Variants in DERA observed in about 807,000 individuals in gnomAD.
The protein encoded by DERA is deoxyribose-phosphate aldolase.
DERA carries 15 observed loss-of-function variants against 41.1 expected under a neutral mutation model. The observed-to-expected ratio is 0.37, with a 90% CI of 0.24 to 0.56. The LOEUF is 0.56. Among genes scored for constraint, DERA ranks in the 20% least tolerant of loss-of-function variants. The probability of loss-of-function intolerance (pLI) is 0.81; values close to 1 mark genes in which losing one functional copy is unlikely to be tolerated. For synonymous variants in DERA, 139 were observed against 137.4 expected (o/e 1.01, Z -0.08); for missense variants, 396 against 403.4 (o/e 0.98, Z 0.16).
At position 16,019,643 on chromosome 12, in the gene DERA, G is replaced by A. The variant is rs532647640; in HGVS notation, c.638-12899G>A. Reference sequence around the variant, plus strand: ...TTTTGGTGTTTCTTTTTATGGTGGTGTTCTTCCATGTGTGCCCTCTCATCT... The same window carrying A: ...TTTTGGTGTTTCTTTTTATGGTGGTATTCTTCCATGTGTGCCCTCTCATCT... On this transcript the variant is annotated intron_variant, in intron 6 of 8. Coordinates refer to ENST00000428559, the MANE Select transcript of DERA (RefSeq NM_015954.4). This position sits in a 1 kb window ranked among gnomAD's most constrained non-coding sequence, Gnocchi z 4.4. Among the ~76,000 whole-genome samples the A allele has an allele frequency of 2.6e-5, 4 of 152,216 alleles. No individual in the cohort carries two copies. In the East Asian group the frequency reaches 5.8e-4, roughly 22 times the overall value.
rs1441663810 is a variant in DERA at position 15,982,867 on chromosome 12, G to C, written c.637+431G>C. Among the ~76,000 whole-genome samples the C allele has an allele frequency of 6.6e-6, 1 of 152,152 alleles. No homozygotes were observed. Among genetic ancestry groups the C allele is most frequent in the Admixed American group, 6.5e-5 (1 of 15,276 alleles). On this transcript the variant is annotated intron_variant, in intron 6 of 8. Coordinates refer to ENST00000428559, the MANE Select transcript of DERA (RefSeq NM_015954.4). This position sits in a 1 kb window ranked among gnomAD's most constrained non-coding sequence, Gnocchi z 4.0. ...GTTTGTGTTAATGTTTTAAAATTTA[G>C]TGCAGTATCATTGATTTTTATACTT...
intron 1 of DERA, among the ~76,000 whole-genome samples, chr12:15,926,166 C>T (rs570561719): frequency 9.9e-4 from 151 of 152,048 alleles, no homozygotes; most frequent in South Asian, 3.1e-3. Flanking sequence ...ATCAAGTGGC[C>T]AGTACTGCTC....
At position 15,941,737 on chromosome 12, in the gene DERA, G is replaced by A. The variant is rs1387304562; in HGVS notation, c.32-15199G>A. 1.3e-5 allele frequency among the ~76,000 whole-genome samples: 2 copies of A among 152,180 alleles called. No homozygotes were observed. Among genetic ancestry groups the A allele is most frequent in the African/African-American group, 2.4e-5 (1 of 41,430 alleles). On this transcript the variant is annotated intron_variant, in intron 1 of 8. Transcript: ENST00000428559. This position sits in a 1 kb window ranked among gnomAD's most constrained non-coding sequence, Gnocchi z 4.5. ...CTTTTATGGCTCAGTACTCCATGAT[G>A]TATATATACCACATTTTCTTTATCC...
At chr12:16,030,340 A>G (rs1282709003) in intron 6 of DERA, among the ~76,000 whole-genome samples, 3 of 152,154 alleles carry the variant, frequency 2.0e-5, no homozygotes, top group Non-Finnish European at 2.9e-5. Context: ...AAGATGCCAC[A>G]TATTAGAAAA....
chr12:16,022,010 G>A (rs1168121917), intron 6 of DERA, among the ~76,000 whole-genome samples: 1 of 152,178 alleles, frequency 6.6e-6, no homozygotes, highest in East Asian at 1.9e-4. Context: ...ACTGTGTTTT[G>A]CAATGTGAAA....
intron 7 of DERA, among the ~76,000 whole-genome samples, chr12:16,034,342 A>G (rs1004622465): frequency 6.6e-6 from 1 of 152,344 alleles, no homozygotes; most frequent in East Asian, 1.9e-4. Context: ...AAGAATGTCA[A>G]TGAAATTTTT....
chr12:15,926,188 G>T (rs11056722), intron 1 of DERA, among the ~76,000 whole-genome samples: 12,729 of 151,806 alleles, frequency 0.084, 1,743 homozygotes, highest in African/African-American at 0.29. Flanking sequence ...TCTTTTCTGA[G>T]GCACTGTTTT....
chr12:15,913,939 T>A lies in DERA; in HGVS notation c.31+2525T>A, dbSNP rs114196368. Among the ~76,000 whole-genome samples, 1,258 of 152,324 alleles carry A rather than the reference T, an allele frequency of 8.3e-3. 17 individuals carry two copies. The highest frequency in any genetic ancestry group is 0.028 in the African/African-American group (1,165 of 41,558). ...CTAGACTATTATGCCCTATATAGTC[T>A]ATTAAAATGTACAGATATTCTTCTA... On this transcript the variant is annotated intron_variant, in intron 1 of 8. Transcript: ENST00000428559. The surrounding 1 kb of genome is among the most constrained non-coding windows in gnomAD (Gnocchi z 4.5).
At position 16,020,161 on chromosome 12, in the gene DERA, TA is replaced by T. The variant is rs1203575230; in HGVS notation, c.638-12378del. On this transcript the variant is annotated intron_variant, in intron 6 of 8. Coordinates refer to ENST00000428559, the MANE Select transcript of DERA (RefSeq NM_015954.4). The surrounding 1 kb of genome is among the most constrained non-coding windows in gnomAD (Gnocchi z 5.5). The stretch of plus-strand genomic sequence containing the variant: ...GAGCCAATTAAACCTCTTTTCTTTA[TA>T]AATTACCCAATGTATTAGTCCACAG... Among the ~76,000 whole-genome samples the T allele has an allele frequency of 6.6e-6, 1 of 152,180 alleles. No individual in the cohort carries two copies. Among genetic ancestry groups the T allele is most frequent in the Non-Finnish European group, 1.5e-5 (1 of 68,026 alleles).
intron 7 of DERA, among the ~76,000 whole-genome samples, chr12:16,033,536 A>T (rs138566083): frequency 2.0e-5 from 3 of 150,968 alleles, no homozygotes; most frequent in African/African-American, 7.3e-5. Flanking sequence ...TTTAGCTGCA[A>T]ATTATCTCAA....
In DERA at chr12:15,913,164, AT is replaced by A. The variant is rs1356230944; in HGVS notation, c.31+1753del. Among the ~76,000 whole-genome samples, 15 of 152,232 alleles carry A rather than the reference AT, an allele frequency of 9.9e-5. No homozygotes were observed. The highest frequency in any genetic ancestry group is 3.6e-4 in the African/African-American group (15 of 41,462). On this transcript the variant is annotated intron_variant, in intron 1 of 8. Transcript: ENST00000428559. The surrounding 1 kb of genome is among the most constrained non-coding windows in gnomAD (Gnocchi z 4.5). ...AATTGAACCATTTTTAAATTTATTT[AT>A]TTGCAGTAATTAGAATCAATCACTT... is the stretch of plus-strand genomic sequence containing the variant.
At chr12:15,969,657 A>G (rs1018446547) in intron 5 of DERA, among the ~76,000 whole-genome samples, 23 of 152,210 alleles carry the variant, frequency 1.5e-4, no homozygotes, top group African/African-American at 4.6e-4. Context: ...TATCAGCACC[A>G]AAGTCACATT....
In DERA at chr12:15,998,234, G is replaced by T. The variant is rs551013225; in HGVS notation, c.637+15798G>T. On this transcript the variant is annotated intron_variant, in intron 6 of 8. Coordinates refer to ENST00000428559, the MANE Select transcript of DERA (RefSeq NM_015954.4). The surrounding 1 kb of genome is among the most constrained non-coding windows in gnomAD (Gnocchi z 4.8). ...CATGCATTTTAAAACTTCTCCAGTT[G>T]CTTCTGCTGTGTGGGCAGGAATGAG... is the stretch of plus-strand genomic sequence containing the variant. 8.5e-5 allele frequency among the ~76,000 whole-genome samples: 13 copies of T among 152,316 alleles called. No individual in the cohort carries two copies. In the South Asian group the frequency reaches 2.7e-3, roughly 32 times the overall value.
In DERA at chr12:16,026,487, A is replaced by G. The variant is rs150439688; in HGVS notation, c.638-6055A>G. ...TAAACAACCAAAACTCACAAGGAGA[A>G]ATAGTCTGAATAGGTCTATATCTAT... On this transcript the variant is annotated intron_variant, in intron 6 of 8. Coordinates refer to ENST00000428559, the MANE Select transcript of DERA (RefSeq NM_015954.4). The surrounding 1 kb of genome is among the most constrained non-coding windows in gnomAD (Gnocchi z 4.4). 1.1e-3 allele frequency among the ~76,000 whole-genome samples: 163 copies of G among 151,716 alleles called. 2 individuals carry two copies. The East Asian group carries it at 0.027, about 25-fold the overall frequency.
Position 16,008,588 on chromosome 12 carries a change from T to C in DERA, c.638-23954T>C, listed in dbSNP as rs1455133355. On this transcript the variant is annotated intron_variant, in intron 6 of 8. Coordinates refer to ENST00000428559, the MANE Select transcript of DERA (RefSeq NM_015954.4). This position sits in a 1 kb window ranked among gnomAD's most constrained non-coding sequence, Gnocchi z 4.8. Reference sequence around the variant, plus strand: ...GAGTGAAAGTAAACAGTCCAGGGTCTGTGCTAGGATTGAGTGTGGCCACAG... The same window carrying C: ...GAGTGAAAGTAAACAGTCCAGGGTCCGTGCTAGGATTGAGTGTGGCCACAG... Among the ~76,000 whole-genome samples the C allele has an allele frequency of 1.3e-5, 2 of 152,254 alleles. No individual in the cohort carries two copies. Among genetic ancestry groups the C allele is most frequent in the Non-Finnish European group, 2.9e-5 (2 of 68,048 alleles).
intron 1 of DERA, among the ~76,000 whole-genome samples, chr12:15,927,934 C>T (rs537699067): frequency 6.6e-5 from 10 of 152,116 alleles, no homozygotes; most frequent in African/African-American, 2.2e-4. Context: ...AAGTAGCAGA[C>T]GAATTAGAAG....
chr12:15,912,948 G>A (rs1427346203), intron 1 of DERA, among the ~76,000 whole-genome samples: 1 of 152,158 alleles, frequency 6.6e-6, no homozygotes, highest in Non-Finnish European at 1.5e-5. Context: ...TCTCTGGAAC[G>A]TGGTCTTTAG....
At chr12:15,937,961 G>A (rs1948380846) in intron 1 of DERA, among the ~76,000 whole-genome samples, 1 of 152,160 alleles carries the variant, frequency 6.6e-6, no homozygotes, top group South Asian at 2.1e-4. Context: ...TGTTATTAAT[G>A]AAGTAGTCTG....
chr12:15,960,831 TAGAC>T (rs1037775512), intron 4 of DERA, among the ~76,000 whole-genome samples: 4 of 152,044 alleles, frequency 2.6e-5, no homozygotes, highest in East Asian at 1.9e-4. Context: ...AACCACATGT[TAGAC>T]AGAGGCACTA....
Sources: gnomAD v4.1 joint callset for allele counts (sites outside exome capture counted in the v4.1 genomes callset) on GRCh38, gnomAD v4.1.1 for gene constraint, Gnocchi (gnomAD v3.1) non-coding constraint, MANE v1.5 for transcripts, NCBI Gene and HGNC (gene_info 2026-07-23, HGNC 2026-07-21) for gene names.